ZP2: variants seen among roughly 807,000 people sequenced by gnomAD.
ZP2 encodes zona pellucida glycoprotein 2.
Under a neutral mutation model 84.0 loss-of-function variants are expected in ZP2, and 51 were observed. The ratio of observed to expected loss-of-function variants is 0.61; its 90% CI spans 0.49 to 0.77. ZP2 has a LOEUF of 0.77. Ranked by LOEUF, ZP2 falls within the 30% of genes least tolerant of loss-of-function variation. ZP2 has a pLI of 0.00. For synonymous variants in ZP2, 375 were observed against 330.9 expected, an observed-to-expected ratio of 1.13 and a Z score of -1.45; for missense variants, 909 against 911.9, an observed-to-expected ratio of 1.00 and a Z score of 0.04.
chr16:21,202,365 C>T (rs1288161596), intron 10 of ZP2, 74 bp from the exon 11 acceptor site: 1 of 1,317,294 alleles, frequency 7.6e-7, no homozygotes, highest in Non-Finnish European at 1.0e-6. Flanking sequence ...ACCTGATATG[C>T]TACGAGGGAG....
intron 5 of ZP2, among the ~76,000 whole-genome samples, chr16:21,206,160 G>A (rs1297770513): frequency 6.6e-6 from 1 of 152,106 alleles, no homozygotes; most frequent in African/African-American, 2.4e-5. Context: ...ACCATACCCG[G>A]CTAGTTTTTT....
chr16:21,203,942 G>A (rs1263620725), intron 9 of ZP2, 88 bp downstream of exon 9: 1 of 1,455,380 alleles, frequency 6.9e-7, no homozygotes, highest in African/African-American at 1.4e-5. Flanking sequence ...GAGCTCACGG[G>A]CAAGTTATCA....
At chr16:21,197,961 G>T (rs1277991605) in intron 17 of ZP2, 112 bp from the exon 18 acceptor site, 4 of 1,038,048 alleles carry the variant, frequency 3.9e-6, no homozygotes, top group Non-Finnish European at 5.9e-6. Context: ...TCAGGTAAGG[G>T]TATGTGTTAA....
At chr16:21,202,965 G>T (rs1326004334) in intron 10 of ZP2, among the ~76,000 whole-genome samples, 160 bp downstream of exon 10, 1 of 152,034 alleles carries the variant, frequency 6.6e-6, no homozygotes, top group Non-Finnish European at 1.5e-5. Context: ...TCATACTTAG[G>T]ACCCCATCGT....
chr16:21,211,675 G>A, upstream of ZP2: 1 of 1,570,000 alleles, frequency 6.4e-7, no homozygotes, highest in Non-Finnish European at 8.6e-7. Context: ...TCTCCCAGCT[G>A]AAACGGAAGG....
chr16:21,211,562 C>G lies in ZP2; in HGVS notation c.-15G>C, dbSNP rs777912488. On this transcript the variant is annotated 5_prime_UTR_variant, in exon 1 of 19. Transcript: ENST00000574091. ...CTGCACGCCATAGCAGAAGACACTA[C>G]CAGATCAACCAGGTAGAGGGTAGGC... 1 of 1,614,084 alleles carries G rather than the reference C, an allele frequency of 6.2e-7. No individual in the cohort carries two copies. The highest frequency in any genetic ancestry group is 2.2e-5 in the East Asian group (1 of 44,878).
intron 17 of ZP2, among the ~76,000 whole-genome samples, chr16:21,198,299 G>A (rs2093209055): frequency 6.6e-6 from 1 of 152,060 alleles, no homozygotes; most frequent in African/African-American, 2.4e-5. Context: ...GGAGGCTGAG[G>A]CAGGAGAATC....
At chr16:21,203,710 G>A (rs774821712) in intron 9 of ZP2, 49 of 424,042 alleles carry the variant, frequency 1.2e-4, no homozygotes, top group Non-Finnish European at 1.7e-4. Context: ...TGTCCTGTTC[G>A]TTGACCAGGA....
rs753879706 is a variant in ZP2 at position 21,201,763 on chromosome 16, G to A, written c.1447C>T (p.Pro483Ser). Residue 483 changes from proline to serine, a missense_variant, in exon 13 of 19, where the codon CCT (proline) becomes TCT (serine). Transcript: ENST00000574091. ...LLNINVESLTPPVASVKLGPF... is the reference protein window; with the variant it reads ...LLNINVESLTSPVASVKLGPF... Reference sequence around the variant, plus strand: ...CCCAACTTCACTGAGGCCACTGGAGGAGTAAGGCTTTCAACGTTGATGTTT... The same window carrying A: ...CCCAACTTCACTGAGGCCACTGGAGAAGTAAGGCTTTCAACGTTGATGTTT... 8.7e-6 allele frequency: 14 copies of A among 1,614,108 alleles called. No homozygotes were observed. In the Admixed American group the frequency reaches 1.2e-4, roughly 13 times the overall value.
At chr16:21,207,635 AACACACAC>A (rs10530241) in intron 4 of ZP2, among the ~76,000 whole-genome samples, 1,725 of 143,864 alleles carry the variant, frequency 0.012, 29 homozygotes, top group Middle Eastern at 0.034. Flanking sequence ...ATATATATTA[AACACACAC>A]ACACACACAC....
chr16:21,208,053 T>C (rs2093258443), intron 4 of ZP2, among the ~76,000 whole-genome samples: 1 of 152,118 alleles, frequency 6.6e-6, no homozygotes, highest in Non-Finnish European at 1.5e-5. Flanking sequence ...AATCCCCATT[T>C]TGACAAGACA....
upstream of ZP2, chr16:21,211,838 C>A (rs956449828): frequency 7.6e-6 from 10 of 1,323,676 alleles, no homozygotes; most frequent in African/African-American, 1.5e-5. Context: ...AAATTAGGAT[C>A]TTTTGGGCAA....
chr16:21,208,764 C>T (rs531193875), intron 4 of ZP2, among the ~76,000 whole-genome samples: 1 of 152,170 alleles, frequency 6.6e-6, no homozygotes, highest in Non-Finnish European at 1.5e-5. Context: ...TTGGGGTTCA[C>T]AGATCAAAAT....
At chr16:21,211,456 C>A in intron 1 of ZP2, 30 bp downstream of exon 1, 1 of 1,613,772 alleles carries the variant, frequency 6.2e-7, no homozygotes, top group Non-Finnish European at 8.5e-7. Context: ...AGCTACCATA[C>A]CCCCTCCCTC....
intron 3 of ZP2, 68 bp from the exon 4 acceptor site, chr16:21,209,793 G>A: frequency 7.2e-7 from 1 of 1,382,896 alleles, no homozygotes. Context: ...AAGCTATAGA[G>A]TCAAGACCAC....
At position 21,209,653 on chromosome 16, in the gene ZP2, T is replaced by C. The variant is rs1190273807; in HGVS notation, c.308A>G (p.Tyr103Cys). Residue 103 changes from tyrosine to cysteine, a missense_variant, in exon 4 of 19, where the codon TAT (tyrosine) becomes TGT (cysteine). By Grantham distance (194) the Tyr-to-Cys change is radical. Coordinates refer to ENST00000574091, the MANE Select transcript of ZP2 (RefSeq NM_001376232.1). ...DPEKLTLRAT[Y>C]DNCTRRVHGG... ...TACCACTCTCCTGGTACAGTTATCA[T>C]AGGTAGCCCTCAGGGTGAGCTTTTC... is the stretch of plus-strand genomic sequence containing the variant. 6.2e-7 allele frequency: 1 copy of C among 1,614,148 alleles called. No individual in the cohort carries two copies. Among genetic ancestry groups the C allele is most frequent in the Non-Finnish European group, 8.5e-7 (1 of 1,179,996 alleles).
Position 21,206,896 on chromosome 16 carries a change from T to C in ZP2, c.425A>G (p.Gln142Arg), listed in dbSNP as rs1308492848. Residue 142 changes from glutamine (Q) to arginine (R), a missense_variant, in exon 5 of 19, where the codon CAA (glutamine) becomes CGA (arginine). Gln to Arg is a conservative substitution (Grantham distance 43). Transcript: ENST00000574091. ...TGAAAGCCCCTGGGTCTCTTCTACTTGCATAGCTGGACAGAAGAACTGATA... is the reference window on the plus strand; with the variant it reads ...TGAAAGCCCCTGGGTCTCTTCTACTCGCATAGCTGGACAGAAGAACTGATA... ...VMYQFFCPAM[Q>R]VEETQGLSAS... 2 of 1,614,150 alleles carry C rather than the reference T, an allele frequency of 1.2e-6. No homozygotes were observed. The highest frequency in any genetic ancestry group is 1.7e-6 in the Non-Finnish European group (2 of 1,180,014).
At chr16:21,203,347 C>T in intron 9 of ZP2, 96 bp from the exon 10 acceptor site, 1 of 1,536,818 alleles carries the variant, frequency 6.5e-7, no homozygotes, top group Non-Finnish European at 8.9e-7. Flanking sequence ...ACTTGCAGGA[C>T]ACACTCCAGA....
At chr16:21,214,041 G>T (rs1042375994), upstream of ZP2, among the ~76,000 whole-genome samples, 1 of 151,896 alleles carries the variant, frequency 6.6e-6, no homozygotes, top group Non-Finnish European at 1.5e-5. Context: ...CCTCGAGATG[G>T]TGTCTTTCTC....
Sources: allele counts gnomAD v4.1 joint callset (sites outside exome capture counted in the v4.1 genomes callset), GRCh38; gene constraint gnomAD v4.1.1; transcripts MANE v1.5; gene names NCBI Gene and HGNC (gene_info 2026-07-23, HGNC 2026-07-21).